MEI4: variants seen among roughly 807,000 people sequenced by gnomAD.
The protein encoded by MEI4 is meiotic double-stranded break formation protein 4, also known as meiosis-specific protein MEI4.
MEI4 carries 27 observed loss-of-function variants against 31.4 expected under a neutral mutation model. The observed-to-expected ratio is 0.86, with a 90% CI of 0.63 to 1.19. MEI4 has a LOEUF of 1.19. Among genes scored for constraint, MEI4 ranks in the 50% most tolerant of loss-of-function variants. The pLI is 0.00. For missense variants in MEI4, 329 were observed against 398.9 expected, an observed-to-expected ratio of 0.82 and a Z score of 1.49; for synonymous variants, 122 against 145.4, an observed-to-expected ratio of 0.84 and a Z score of 1.16.
In MEI4 at chr6:77,925,866, G is replaced by A. The variant is rs756155554; in HGVS notation, c.*2520G>A. On this transcript the variant is annotated 3_prime_UTR_variant, in exon 5 of 5. Transcript: ENST00000684080. ...TAAGTAATATTATACATATATATACGATATGTATAATAAATACCAAATAGC... is the reference window on the plus strand; with the variant it reads ...TAAGTAATATTATACATATATATACAATATGTATAATAAATACCAAATAGC... The A allele has an allele frequency of 6.7e-6, 1 of 148,792 alleles. No homozygotes were observed. Among genetic ancestry groups the A allele is most frequent in the African/African-American group, 2.5e-5 (1 of 40,650 alleles). 9.2% of individuals were successfully genotyped at this position (148,792 alleles called of 1,614,324 possible).
intron 2 of MEI4, among the ~76,000 whole-genome samples, chr6:77,744,345 A>C (rs565208898): frequency 3.3e-5 from 5 of 152,186 alleles, no homozygotes; most frequent in African/African-American, 1.2e-4. Context: ...GAGCCGATGC[A>C]ATCAACTGGA....
intron 3 of MEI4, among the ~76,000 whole-genome samples, chr6:77,812,125 CTTT>C (rs571956535): frequency 6.6e-6 from 1 of 151,712 alleles, no homozygotes; most frequent in Non-Finnish European, 1.5e-5. Flanking sequence ...TGGCTTGTAA[CTTT>C]TTTTTGGTTT....
At chr6:77,838,605 A>G (rs962587762) in intron 4 of MEI4, among the ~76,000 whole-genome samples, 1 of 152,176 alleles carries the variant, frequency 6.6e-6, no homozygotes, top group Non-Finnish European at 1.5e-5. Flanking sequence ...AAATAAATAT[A>G]AAAGTCAACT....
At chr6:77,824,101 A>AT (rs960167011) in intron 3 of MEI4, among the ~76,000 whole-genome samples, 9 of 151,918 alleles carry the variant, frequency 5.9e-5, no homozygotes, top group South Asian at 2.1e-4. Context: ...AAGTCACTAC[A>AT]TTTTTTTTGA....
At chr6:77,767,657 A>G (rs1768209232) in intron 3 of MEI4, among the ~76,000 whole-genome samples, 1 of 151,568 alleles carries the variant, frequency 6.6e-6, no homozygotes. Context: ...AGATCACATG[A>G]GAGCACTCTA....
intron 4 of MEI4, among the ~76,000 whole-genome samples, chr6:77,850,339 C>G (rs1770585985): frequency 6.6e-6 from 1 of 152,100 alleles, no homozygotes; most frequent in South Asian, 2.1e-4. Flanking sequence ...CAATCCTAAG[C>G]CAAAAGAACA....
At chr6:77,734,364 T>C (rs1172494332) in intron 2 of MEI4, among the ~76,000 whole-genome samples, 1 of 152,128 alleles carries the variant, frequency 6.6e-6, no homozygotes, top group Non-Finnish European at 1.5e-5. Flanking sequence ...GCTCTTCTTG[T>C]TGAATTGATC....
At chr6:77,815,992 C>T (rs931250482) in intron 3 of MEI4, among the ~76,000 whole-genome samples, 10 of 151,382 alleles carry the variant, frequency 6.6e-5, no homozygotes, top group South Asian at 2.1e-4. Flanking sequence ...TCTCAAAAAA[C>T]GAATGTAAAA....
intron 4 of MEI4, among the ~76,000 whole-genome samples, chr6:77,862,465 C>A (rs1318793310): frequency 6.6e-6 from 1 of 152,206 alleles, no homozygotes; most frequent in Non-Finnish European, 1.5e-5. Context: ...GCCCATGGAG[C>A]CTTGCTCTTT....
chr6:77,696,406 A>G (rs916625750), intron 2 of MEI4, among the ~76,000 whole-genome samples: 5 of 152,192 alleles, frequency 3.3e-5, no homozygotes, highest in Admixed American at 2.0e-4. Flanking sequence ...TGGGATTCTC[A>G]TAGACAGCTC....
Position 77,767,720 on chromosome 6 carries a change from C to T in MEI4, c.768+6055C>T, listed in dbSNP as rs115010611. Among the ~76,000 whole-genome samples the T allele has an allele frequency of 7.7e-3, 1,147 of 148,542 alleles. 18 individuals carry two copies. The highest frequency in any genetic ancestry group is 0.027 in the African/African-American group (1,098 of 40,178). The stretch of plus-strand genomic sequence containing the variant: ...ACACACACACACACACACACACACA[C>T]GGAAAAATCTGGGTTAATGTTCCTG... On this transcript the variant is annotated intron_variant, in intron 3 of 4. Transcript: ENST00000684080.
intron 4 of MEI4, among the ~76,000 whole-genome samples, chr6:77,882,232 AC>A (rs373096298): frequency 6.6e-6 from 1 of 151,828 alleles, no homozygotes; most frequent in African/African-American, 2.4e-5. Context: ...AGAGTGCATC[AC>A]CCCCCCAGTG....
In MEI4 at chr6:77,829,037, C is replaced by T. The variant is rs1770019679; in HGVS notation, c.875C>T (p.Ala292Val). 1 of 1,231,876 alleles carries T rather than the reference C, an allele frequency of 8.1e-7. No individual in the cohort carries two copies. Among genetic ancestry groups the T allele is most frequent in the African/African-American group, 1.6e-5 (1 of 64,510 alleles). The allele number at this position is 1,231,876 out of a possible 1,614,324, so 76.3% of individuals were successfully genotyped here. ...CTTCTATCAGAAGTAAATGGCTTTG[C>T]TGATGATCTGGGAGCCATCAATCAG... ...SLLLSEVNGF[A>V]DDLGAINQEQ... The change falls in exon 4 of 5, where the codon GCT becomes GTT. Residue 292 changes from alanine (A) to valine (V), a missense_variant. Physicochemically the swap from Ala to Val is moderately conservative, Grantham distance 64. Coordinates refer to ENST00000684080, the MANE Select transcript of MEI4 (RefSeq NM_001322247.2).
intron 4 of MEI4, among the ~76,000 whole-genome samples, chr6:77,848,179 G>A (rs1182356256): frequency 2.6e-5 from 4 of 152,150 alleles, no homozygotes; most frequent in Non-Finnish European, 5.9e-5. Flanking sequence ...TGGCCTACTG[G>A]TGTCCTGGGA....
At position 77,924,944 on chromosome 6, in the gene MEI4, A is replaced by C. The variant is rs1766810309; in HGVS notation, c.*1598A>C. The C allele has an allele frequency of 1.3e-5, 2 of 151,902 alleles. No homozygotes were observed. The highest frequency in any genetic ancestry group is 2.9e-5 in the Non-Finnish European group (2 of 67,898). The allele number at this position is 151,902 out of a possible 1,614,324, so 9.4% of individuals were successfully genotyped here. A position where few individuals can be genotyped will look rare whatever the true frequency, so the allele number is the denominator to read the frequency against. On this transcript the variant is annotated 3_prime_UTR_variant, in exon 5 of 5. Coordinates refer to ENST00000684080, the MANE Select transcript of MEI4 (RefSeq NM_001322247.2). ...CAACAAGTACCAGTTGAATACAAGA[A>C]GTATATTCCAAATCTTGGATTAGGA...
chr6:77,712,519 A>G (rs1766490107), intron 2 of MEI4, among the ~76,000 whole-genome samples: 2 of 152,222 alleles, frequency 1.3e-5, no homozygotes, highest in African/African-American at 4.8e-5. Context: ...AACCATTCTG[A>G]CAATAGATAT....
chr6:77,664,658 G>A (rs548395235), intron 1 of MEI4, among the ~76,000 whole-genome samples: 4 of 152,196 alleles, frequency 2.6e-5, no homozygotes, highest in South Asian at 2.1e-4. Flanking sequence ...ACTCAGCGAC[G>A]CTTGGGGTTG....
At chr6:77,790,916 C>G (rs890482207) in intron 3 of MEI4, among the ~76,000 whole-genome samples, 1 of 152,060 alleles carries the variant, frequency 6.6e-6, no homozygotes, top group African/African-American at 2.4e-5. Context: ...ATGCAGCCAA[C>G]GGACACATGA....
At chr6:77,745,712 ACT>A (rs1767579625) in intron 2 of MEI4, among the ~76,000 whole-genome samples, 1 of 152,134 alleles carries the variant, frequency 6.6e-6, no homozygotes, top group South Asian at 2.1e-4. Flanking sequence ...TTGACCACAT[ACT>A]GGGAAGTAAA....
Sources: allele counts gnomAD v4.1 joint callset (sites outside exome capture counted in the v4.1 genomes callset), GRCh38; gene constraint gnomAD v4.1.1; transcripts MANE v1.5; gene names NCBI Gene and HGNC (gene_info 2026-07-23, HGNC 2026-07-21).